The following SNX27 variants were observed in gnomAD, a reference collection of about 807,000 sequenced individuals.
SNX27 encodes sorting nexin 27.
A neutral mutation model predicts 71.6 loss-of-function variants in SNX27; 22 were observed. That is an observed-to-expected ratio of 0.31 (90% CI 0.22 to 0.44). The LOEUF is 0.44. SNX27 is among the 20% of genes least tolerant of loss of function. SNX27 has a pLI of 1.00. For synonymous variants in SNX27, 269 were observed against 277.2 expected, an observed-to-expected ratio of 0.97 and a Z score of 0.29; for missense variants, 531 against 698.6, an observed-to-expected ratio of 0.76 and a Z score of 2.70.
At chr1:151,620,475 T>G (rs1667620102) in intron 1 of SNX27, among the ~76,000 whole-genome samples, 1 of 151,764 alleles carries the variant, frequency 6.6e-6, no homozygotes, top group Admixed American at 6.6e-5. Flanking sequence ...CACCCAGAAC[T>G]GGGAACAGCT....
chr1:151,630,949 G>T (rs1276660599), intron 1 of SNX27, among the ~76,000 whole-genome samples: 7 of 152,134 alleles, frequency 4.6e-5, no homozygotes, highest in Admixed American at 3.9e-4. Flanking sequence ...GGAGAATGGC[G>T]TGAACCCGGG....
chr1:151,686,547 G>A (rs12066062), intron 8 of SNX27, among the ~76,000 whole-genome samples: 3,515 of 152,294 alleles, frequency 0.023, 128 homozygotes, highest in African/African-American at 0.078. Context: ...ATATTTCTGT[G>A]TACTAGCCAC....
At chr1:151,673,154 C>T (rs1670518419) in intron 7 of SNX27, among the ~76,000 whole-genome samples, 1 of 151,808 alleles carries the variant, frequency 6.6e-6, no homozygotes, top group African/African-American at 2.4e-5. Context: ...TAGGTTTTGG[C>T]ATGTTATGTT....
chr1:151,616,835 C>T (rs1363155679), intron 1 of SNX27, among the ~76,000 whole-genome samples: 1 of 152,196 alleles, frequency 6.6e-6, no homozygotes, highest in Non-Finnish European at 1.5e-5. Flanking sequence ...ATCTAAAGTA[C>T]AGATTCTCAG....
intron 1 of SNX27, among the ~76,000 whole-genome samples, chr1:151,621,035 T>A (rs977692558): frequency 7.2e-5 from 11 of 152,166 alleles, no homozygotes; most frequent in Non-Finnish European, 1.5e-4. Context: ...GCATACAGCA[T>A]GTTGGGAGCT....
At chr1:151,618,848 A>G (rs1304621870) in intron 1 of SNX27, among the ~76,000 whole-genome samples, 1 of 152,200 alleles carries the variant, frequency 6.6e-6, no homozygotes, top group East Asian at 1.9e-4. Context: ...TCAGCTATAC[A>G]GATGTTTTCT....
At chr1:151,644,901 C>T (rs1461241905) in intron 2 of SNX27, among the ~76,000 whole-genome samples, 3 of 152,062 alleles carry the variant, frequency 2.0e-5, no homozygotes, top group African/African-American at 4.8e-5. Flanking sequence ...CGGGTTCAAG[C>T]GATTCTCCTG....
chr1:151,625,240 C>T (rs763969184), intron 1 of SNX27, among the ~76,000 whole-genome samples: 1 of 152,100 alleles, frequency 6.6e-6, no homozygotes, highest in Non-Finnish European at 1.5e-5. Context: ...GGCGCTGTGG[C>T]TGACGCCTGT....
At chr1:151,628,892 G>C (rs1407482341) in intron 1 of SNX27, among the ~76,000 whole-genome samples, 1 of 152,094 alleles carries the variant, frequency 6.6e-6, no homozygotes, top group African/African-American at 2.4e-5. Context: ...TGTTTTATCA[G>C]ATGTGTGTTT....
chr1:151,643,839 T>C (rs552088864), intron 2 of SNX27, among the ~76,000 whole-genome samples: 2 of 152,018 alleles, frequency 1.3e-5, no homozygotes, highest in East Asian at 3.9e-4. Context: ...TTTGTATTTT[T>C]AATAGAGATA....
intron 7 of SNX27, chr1:151,669,337 T>C (rs1670355660): frequency 6.6e-6 from 1 of 152,220 alleles, no homozygotes; most frequent in Non-Finnish European, 1.5e-5. Flanking sequence ...AACAGAGCCA[T>C]ATAATAAACA....
chr1:151,612,966 A>G lies in SNX27; in HGVS notation c.311+454A>G, dbSNP rs1667259224. ...CAGCATCGCAGTTTCGTTCTCCACC[A>G]CTCCCCTCCGCCCCCGTGGACTGCC... On this transcript the variant is annotated intron_variant, in intron 1 of 11. Coordinates refer to ENST00000458013, the MANE Select transcript of SNX27 (RefSeq NM_001330723.2). The surrounding 1 kb of genome is among the most constrained non-coding windows in gnomAD (Gnocchi z 5.2). Among the ~76,000 whole-genome samples, 2 of 143,374 alleles carry G rather than the reference A, an allele frequency of 1.4e-5. No individual in the cohort carries two copies. The highest frequency in any genetic ancestry group is 6.9e-5 in the Admixed American group (1 of 14,418). The allele number at this position is 143,374 out of a possible 152,430, so 94.1% of individuals were successfully genotyped here.
intron 1 of SNX27, among the ~76,000 whole-genome samples, chr1:151,631,414 C>G (rs1285881685): frequency 1.3e-5 from 2 of 152,140 alleles, no homozygotes; most frequent in African/African-American, 4.8e-5. Flanking sequence ...AAACATAGTT[C>G]CAGTCACCCT....
intron 7 of SNX27, among the ~76,000 whole-genome samples, 172 bp downstream of exon 7, chr1:151,668,807 A>G (rs776594834): frequency 8.5e-5 from 13 of 152,242 alleles, no homozygotes; most frequent in Non-Finnish European, 1.8e-4. Context: ...GATAAGTTTT[A>G]GAAGTAAAGA....
chr1:151,683,914 G>A (rs910523325), intron 8 of SNX27, among the ~76,000 whole-genome samples: 3 of 152,148 alleles, frequency 2.0e-5, no homozygotes, highest in African/African-American at 7.2e-5. Flanking sequence ...TGATCCACCT[G>A]CCTCGACCTC....
chr1:151,644,152 G>A (rs1008543065), intron 2 of SNX27, among the ~76,000 whole-genome samples: 2 of 152,196 alleles, frequency 1.3e-5, no homozygotes, highest in Non-Finnish European at 2.9e-5. Flanking sequence ...CATCCAGTCT[G>A]CTCTACTTTT....
intron 2 of SNX27, among the ~76,000 whole-genome samples, chr1:151,652,676 G>A (rs1018177849): frequency 6.6e-6 from 1 of 151,994 alleles, no homozygotes; most frequent in Admixed American, 6.6e-5. Context: ...CTCCCAAAGT[G>A]CTGGAATTAC....
chr1:151,632,847 A>T (rs1366110699), intron 1 of SNX27, among the ~76,000 whole-genome samples: 2 of 151,594 alleles, frequency 1.3e-5, no homozygotes, highest in Non-Finnish European at 2.9e-5. Flanking sequence ...TTATATAATA[A>T]TTTTTATTTT....
At chr1:151,630,829 C>A (rs868120827) in intron 1 of SNX27, among the ~76,000 whole-genome samples, 2 of 152,090 alleles carry the variant, frequency 1.3e-5, no homozygotes, top group African/African-American at 2.4e-5. Context: ...GTCAGGAGAT[C>A]GAGACCATCC....
Sources: allele counts gnomAD v4.1 joint callset (sites outside exome capture counted in the v4.1 genomes callset), GRCh38; gene constraint gnomAD v4.1.1; non-coding constraint Gnocchi (gnomAD v3.1); transcripts MANE v1.5; gene names NCBI Gene and HGNC (gene_info 2026-07-23, HGNC 2026-07-21).